YME1L1: variants seen among roughly 807,000 people sequenced by gnomAD.
The protein encoded by YME1L1 is ATP-dependent zinc metalloprotease YME1L1.
In YME1L1, 39 loss-of-function variants were observed where a neutral mutation model predicts 90.4. The observed-to-expected ratio is 0.43, with a 90% CI of 0.33 to 0.56. The LOEUF (loss-of-function observed/expected upper bound fraction) is 0.56. Among genes scored for constraint, YME1L1 ranks in the 20% least tolerant of loss-of-function variants. The pLI, the probability that YME1L1 is intolerant of heterozygous loss-of-function variation, is 0.03. For synonymous variants in YME1L1, 284 were observed against 287.3 expected, an observed-to-expected ratio of 0.99 and a Z score of 0.12; for missense variants, 617 against 868.4, an observed-to-expected ratio of 0.71 and a Z score of 3.64.
chr10:27,114,499 T>C (rs1462924111), intron 18 of YME1L1, 22 bp downstream of exon 18: 1 of 1,591,402 alleles, frequency 6.3e-7, no homozygotes, highest in Non-Finnish European at 8.6e-7. Context: ...AGAAAATAAA[T>C]AAGCACAAAA....
In YME1L1 at chr10:27,113,386, T is replaced by C. The variant is rs187472119; in HGVS notation, c.2007+1135A>G. Among the ~76,000 whole-genome samples, 415 of 150,952 alleles carry C rather than the reference T, an allele frequency of 2.7e-3. 2 individuals are homozygous for C. In the Middle Eastern group the frequency reaches 0.04, roughly 14 times the overall value. On this transcript the variant is annotated intron_variant, in intron 18 of 18. Transcript: ENST00000376016. The stretch of plus-strand genomic sequence containing the variant: ...AAATTCAACATACATAATACTGAAA[T>C]TGGGCCGGGCGCAGTGGCTCATGCC...
At chr10:27,146,988 A>T in intron 2 of YME1L1, 1 of 187,764 alleles carries the variant, frequency 5.3e-6, no homozygotes, top group Non-Finnish European at 1.1e-5. Flanking sequence ...AAAATACTTA[A>T]AAGTACTTTT....
At chr10:27,143,184 AC>A (rs2057107305) in intron 3 of YME1L1, among the ~76,000 whole-genome samples, 2 of 151,278 alleles carry the variant, frequency 1.3e-5, no homozygotes, top group African/African-American at 2.4e-5. Flanking sequence ...AGCCTGAGCA[AC>A]ATGGAGAAAC....
intron 17 of YME1L1, among the ~76,000 whole-genome samples, chr10:27,115,369 T>G (rs1459248652): frequency 6.7e-6 from 1 of 149,210 alleles, no homozygotes; most frequent in African/African-American, 2.5e-5. Flanking sequence ...TCACCCAGGG[T>G]AGAGTGCAGT....
At chr10:27,148,847 G>A (rs1564469873) in intron 2 of YME1L1, 59 bp downstream of exon 2, 2 of 1,594,766 alleles carry the variant, frequency 1.3e-6, no homozygotes, top group East Asian at 4.5e-5. Context: ...TCCTTCATTT[G>A]TTTAAGGGTC....
intron 1 of YME1L1, chr10:27,153,280 T>C: frequency 2.1e-6 from 1 of 469,988 alleles, no homozygotes; most frequent in Non-Finnish European, 4.4e-6. Context: ...TGTTAGCCAG[T>C]ACTAGCACAA....
chr10:27,140,713 G>A (rs1408599294), intron 4 of YME1L1, among the ~76,000 whole-genome samples: 21 of 152,078 alleles, frequency 1.4e-4, no homozygotes, highest in Admixed American at 7.2e-4. Flanking sequence ...TTCTGACCTT[G>A]TGATCCACCC....
intron 7 of YME1L1, among the ~76,000 whole-genome samples, chr10:27,133,366 G>A (rs2056995514): frequency 6.6e-6 from 1 of 152,112 alleles, no homozygotes; most frequent in Non-Finnish European, 1.5e-5. Flanking sequence ...AGTTATAAAT[G>A]AGTAAATTGA....
chr10:27,142,523 C>T, intron 3 of YME1L1, 38 bp from the exon 4 acceptor site: 1 of 1,180,124 alleles, frequency 8.5e-7, no homozygotes, highest in Non-Finnish European at 1.2e-6. Flanking sequence ...TTCTAATTTC[C>T]AAACCAAAAA....
At chr10:27,126,233 A>C (rs1248612667) in intron 9 of YME1L1, among the ~76,000 whole-genome samples, 1 of 152,130 alleles carries the variant, frequency 6.6e-6, no homozygotes, top group Non-Finnish European at 1.5e-5. Flanking sequence ...GCTTGAGCCC[A>C]GGAGTTCAAG....
At chr10:27,149,143 T>C (rs1017908733) in intron 1 of YME1L1, 103 bp from the exon 2 acceptor site, 1 of 1,021,232 alleles carries the variant, frequency 9.8e-7, no homozygotes, top group Non-Finnish European at 1.4e-6. Context: ...GTACATTATA[T>C]ATCAACTCTG....
At chr10:27,124,446 T>G (rs1410813569) in intron 9 of YME1L1, among the ~76,000 whole-genome samples, 4 of 152,178 alleles carry the variant, frequency 2.6e-5, no homozygotes, top group Admixed American at 2.0e-4. Flanking sequence ...TTACCTGATT[T>G]ATATGTTTTT....
At chr10:27,147,505 G>C in intron 2 of YME1L1, 1 of 1,612,268 alleles carries the variant, frequency 6.2e-7, no homozygotes. Context: ...TACAGGGATT[G>C]AGAGGGAGAA....
At chr10:27,121,526 GTTTGT>G (rs1330083593) in intron 11 of YME1L1, 78 bp from the exon 12 acceptor site, 1 of 1,087,794 alleles carries the variant, frequency 9.2e-7, no homozygotes, top group Non-Finnish European at 1.4e-6. Flanking sequence ...CACAAAACTG[GTTTGT>G]TTTCTTTTTT....
rs750145697 is a variant in YME1L1, at chr10:27,126,730, T to C, written c.915A>G (p.Gln305=). The C allele has an allele frequency of 2.5e-6, 4 of 1,586,516 alleles. No homozygotes were observed. The highest frequency in any genetic ancestry group is 2.4e-5 in the South Asian group (2 of 84,082). ...GTTTACCTCCAAGAATAGTAAATTTTTGTGGATTTTTCAAGAATTCAACAA... is the reference window on the plus strand; with the variant it reads ...GTTTACCTCCAAGAATAGTAAATTTCTGTGGATTTTTCAAGAATTCAACAA... The part of the protein sequence containing the change: ...QEVVEFLKNP[Q]KFTILGGKLP... The change falls in exon 9 of 19, where the codon CAA becomes CAG. Residue 305 remains glutamine, a synonymous_variant. Coordinates refer to ENST00000376016, the MANE Select transcript of YME1L1 (RefSeq NM_014263.4).
chr10:27,121,519 A>G, intron 11 of YME1L1, 71 bp from the exon 12 acceptor site: 1 of 1,136,618 alleles, frequency 8.8e-7, no homozygotes, highest in South Asian at 1.2e-5. Context: ...TGCTCTACAC[A>G]AAACTGGTTT....
rs1350185441 is a variant in YME1L1 at position 27,110,769 on chromosome 10, A to C, written c.*1208T>G. 1 of 152,234 alleles carries C rather than the reference A, an allele frequency of 6.6e-6. No individual in the cohort carries two copies. The highest frequency in any genetic ancestry group is 6.5e-5 in the Admixed American group (1 of 15,284). The allele number at this position is 152,234 out of a possible 1,614,324, so 9.4% of individuals were successfully genotyped here. On this transcript the variant is annotated 3_prime_UTR_variant, in exon 19 of 19. Coordinates refer to ENST00000376016, the MANE Select transcript of YME1L1 (RefSeq NM_014263.4). ...TGAGGTTATGTATTTATTTAACAAA[A>C]TACTGCTTCTCTGAAGTACATTTCA...
chr10:27,143,595 G>A (rs1000085929), intron 3 of YME1L1, among the ~76,000 whole-genome samples: 2 of 151,612 alleles, frequency 1.3e-5, no homozygotes, highest in Admixed American at 1.3e-4. Flanking sequence ...CTGCTCGGGA[G>A]GCTGAGGCAG....
At chr10:27,151,826 A>T (rs2057222271) in intron 1 of YME1L1, among the ~76,000 whole-genome samples, 1 of 151,390 alleles carries the variant, frequency 6.6e-6, no homozygotes, top group African/African-American at 2.4e-5. Flanking sequence ...GCTTGCAGTG[A>T]GCGGAGATCG....
Sources: gnomAD v4.1 joint callset for allele counts (sites outside exome capture counted in the v4.1 genomes callset) on GRCh38, gnomAD v4.1.1 for gene constraint, MANE v1.5 for transcripts, NCBI Gene and HGNC (gene_info 2026-07-23, HGNC 2026-07-21) for gene names.